SUMF1: variants seen among roughly 807,000 people sequenced by gnomAD.
SUMF1 encodes the protein sulfatase modifying factor 1, also known as formylglycine-generating enzyme.
In SUMF1, 48 loss-of-function variants were observed where a neutral mutation model predicts 47.6. That is an observed-to-expected ratio of 1.01 (90% CI 0.80 to 1.28). SUMF1 has a LOEUF of 1.28. Ranked by LOEUF, SUMF1 falls within the 50% of genes most tolerant of loss-of-function variation. The pLI, the probability that SUMF1 is intolerant of heterozygous loss-of-function variation, is 0.00. For synonymous variants in SUMF1, 230 were observed against 192.1 expected (o/e 1.20, Z -1.63); for missense variants, 571 against 485.4 (o/e 1.18, Z -1.66).
At chr3:4,233,773 G>C (rs938124787) in intron 8 of SUMF1, among the ~76,000 whole-genome samples, 1 of 152,078 alleles carries the variant, frequency 6.6e-6, no homozygotes, top group African/African-American at 2.4e-5. Flanking sequence ...AGTTTAAAAC[G>C]AAGTCAATAC....
At chr3:4,040,158 G>A (rs992351556) in intron 9 of SUMF1, among the ~76,000 whole-genome samples, 2 of 151,988 alleles carry the variant, frequency 1.3e-5, no homozygotes, top group African/African-American at 4.8e-5. Context: ...TTCACAATCT[G>A]GAAATATATC....
intron 8 of SUMF1, among the ~76,000 whole-genome samples, chr3:4,275,525 C>T (rs1353887819): frequency 6.6e-6 from 1 of 152,174 alleles, no homozygotes; most frequent in Non-Finnish European, 1.5e-5. Context: ...CCCAGCAGAC[C>T]TTCCCTCACA....
chr3:4,277,214 T>G (rs1697438164), intron 8 of SUMF1, among the ~76,000 whole-genome samples: 1 of 152,042 alleles, frequency 6.6e-6, no homozygotes, highest in African/African-American at 2.4e-5. Flanking sequence ...TAGGAACCAT[T>G]GATATAGTCT....
intron 3 of SUMF1, among the ~76,000 whole-genome samples, chr3:4,446,131 G>A (rs1263974206): frequency 6.6e-6 from 1 of 152,138 alleles, no homozygotes; most frequent in Non-Finnish European, 1.5e-5. Context: ...ATTAATAAAT[G>A]AAAAAGATTA....
intron 1 of SUMF1, among the ~76,000 whole-genome samples, chr3:4,456,409 A>C (rs1311584380): frequency 6.6e-6 from 1 of 151,684 alleles, no homozygotes; most frequent in Non-Finnish European, 1.5e-5. Flanking sequence ...AGCTGGAAAC[A>C]AAGACGTTAT....
At chr3:4,342,674 T>A (rs1699295645) in intron 8 of SUMF1, among the ~76,000 whole-genome samples, 1 of 152,216 alleles carries the variant, frequency 6.6e-6, no homozygotes, top group Admixed American at 6.5e-5. Context: ...GAATGTGCAG[T>A]GAGAGTTCTA....
rs147776495 is a variant in SUMF1 at position 4,191,524 on chromosome 3, T to C, written c.1015-122779A>G. On this transcript the variant is annotated intron_variant and NMD_transcript_variant, in intron 8 of 12. Coordinates refer to the SUMF1 transcript ENST00000448413. ...TAGAAGTGACATAATCTGTTTTATA[T>C]ATTGAAAGGATAATTCAGGCTATGG... Among the ~76,000 whole-genome samples the C allele has an allele frequency of 3.5e-4, 54 of 152,210 alleles. 1 individual carries two copies. The East Asian group carries it at 0.01, about 29-fold the overall frequency.
intron 1 of SUMF1, among the ~76,000 whole-genome samples, chr3:4,466,093 G>T (rs543841714): frequency 6.3e-4 from 96 of 152,190 alleles, no homozygotes; most frequent in Non-Finnish European, 1.2e-3. Context: ...CAGACAGATT[G>T]AAGTAACAGT....
chr3:4,458,184 C>G (rs946159554), intron 1 of SUMF1, among the ~76,000 whole-genome samples: 4 of 152,208 alleles, frequency 2.6e-5, no homozygotes, highest in African/African-American at 9.6e-5. Context: ...AATGGGCTAT[C>G]TCCTCACACC....
chr3:4,114,320 C>G (rs1232140811), intron 8 of SUMF1, among the ~76,000 whole-genome samples: 3 of 152,078 alleles, frequency 2.0e-5, no homozygotes, highest in African/African-American at 7.2e-5. Context: ...TCTACAGTTA[C>G]AAACCCCTGG....
chr3:4,199,794 T>C (rs1385833279), intron 8 of SUMF1, among the ~76,000 whole-genome samples: 3 of 152,118 alleles, frequency 2.0e-5, no homozygotes, highest in African/African-American at 7.2e-5. Context: ...TCTAGTCAAG[T>C]TTTTGCCTAT....
intron 8 of SUMF1, among the ~76,000 whole-genome samples, chr3:4,240,039 T>C (rs940249810): frequency 3.3e-5 from 5 of 152,200 alleles, no homozygotes; most frequent in African/African-American, 1.2e-4. Flanking sequence ...GTGGTTTTTG[T>C]CATTAGTTCT....
In SUMF1 at chr3:4,410,865, T is replaced by A. The variant is rs1406003938; in HGVS notation, c.954A>T (p.Pro318=). 1 of 1,613,546 alleles carries A rather than the reference T, an allele frequency of 6.2e-7. No homozygotes were observed. Among genetic ancestry groups the A allele is most frequent in the South Asian group, 1.1e-5 (1 of 91,070 alleles). Residue 318 remains proline (P), a splice_region_variant and synonymous_variant, in exon 7 of 9, where the codon CCA becomes CCT. Transcript: ENST00000272902. ...VHHSVEETLN[P]KGPPSGKDRV... is the part of the protein sequence containing the mutation. The stretch of plus-strand genomic sequence containing the variant: ...CACATGCTCTGTGAATAATACTCAC[T>A]GGGTTAAGCGTTTCTTCAACAGAAT...
chr3:4,376,480 T>G, intron 7 of SUMF1, 91 bp from the exon 8 acceptor site: 9 of 1,345,438 alleles, frequency 6.7e-6, no homozygotes, highest in African/African-American at 1.4e-5. Flanking sequence ...CAACCAGCTC[T>G]CTCATGGTTG....
At chr3:4,226,751 A>T (rs1696183471) in intron 8 of SUMF1, among the ~76,000 whole-genome samples, 1 of 152,114 alleles carries the variant, frequency 6.6e-6, no homozygotes, top group Non-Finnish European at 1.5e-5. Context: ...AACCTGGCTC[A>T]AGTGCTCTTA....
chr3:4,130,504 T>A (rs974019386), intron 8 of SUMF1, among the ~76,000 whole-genome samples: 1 of 152,174 alleles, frequency 6.6e-6, no homozygotes, highest in Non-Finnish European at 1.5e-5. Flanking sequence ...ACTGATGACA[T>A]TATGCTGATT....
intron 3 of SUMF1, among the ~76,000 whole-genome samples, chr3:4,437,035 G>C (rs1379632770): frequency 6.6e-6 from 1 of 152,118 alleles, no homozygotes; most frequent in Non-Finnish European, 1.5e-5. Flanking sequence ...GGTACTTAAA[G>C]ATATTTCAAA....
chr3:4,059,796 G>GGA (rs1553592786), intron 9 of SUMF1, among the ~76,000 whole-genome samples: 7 of 122,930 alleles, frequency 5.7e-5, no homozygotes, highest in African/African-American at 1.9e-4. Context: ...TGTCCCTGTG[G>GGA]AAAAAAAAAA....
At chr3:4,066,704 T>A (rs1339764804) in intron 9 of SUMF1, among the ~76,000 whole-genome samples, 2 of 152,158 alleles carry the variant, frequency 1.3e-5, no homozygotes, top group Non-Finnish European at 2.9e-5. Flanking sequence ...GAGGCTTGGC[T>A]GCCATCTTCC....
Sources: gnomAD v4.1 joint callset for allele counts (sites outside exome capture counted in the v4.1 genomes callset) on GRCh38, gnomAD v4.1.1 for gene constraint, MANE v1.5 for transcripts, NCBI Gene and HGNC (gene_info 2026-07-23, HGNC 2026-07-21) for gene names.